Variants in BORCS8 observed in about 807,000 individuals in gnomAD.
BORCS8 encodes BLOC-1-related complex subunit 8.
Under a neutral mutation model 18.7 loss-of-function variants are expected in BORCS8, and 13 were observed. The observed-to-expected ratio is 0.70, with a 90% CI of 0.45 to 1.11. BORCS8 has a LOEUF of 1.11. Ranked by LOEUF, BORCS8 falls within the 50% of genes least tolerant of loss-of-function variation. The pLI is 0.00. For missense variants in BORCS8, 165 were observed against 165.7 expected, an observed-to-expected ratio of 1.00 and a Z score of 0.02; for synonymous variants, 68 against 64.8, an observed-to-expected ratio of 1.05 and a Z score of -0.24.
chr19:19,177,929 G>A (rs3819575), intron 5 of BORCS8: 50,891 of 152,286 alleles, frequency 0.33, 8,955 homozygotes, highest in Non-Finnish European at 0.38. Context: ...TGTCGCGCAG[G>A]CTGGAGTGCA....
At chr19:19,184,482 T>G (rs1165779976) in intron 3 of BORCS8, among the ~76,000 whole-genome samples, 2 of 151,932 alleles carry the variant, frequency 1.3e-5, no homozygotes, top group Non-Finnish European at 2.9e-5. Context: ...TTTTGTATTT[T>G]TAGTAAAGAC....
At chr19:19,184,329 G>A (rs1405589426) in intron 3 of BORCS8, among the ~76,000 whole-genome samples, 65 of 130,770 alleles carry the variant, frequency 5.0e-4, no homozygotes, top group African/African-American at 1.6e-3. Context: ...TTTTTGAGAC[G>A]GAGTCTCGCT....
Position 19,182,664 on chromosome 19 carries a change from C to A in BORCS8, c.235G>T (p.Asp79Tyr). 2 of 1,551,016 alleles carry A rather than the reference C, an allele frequency of 1.3e-6. No individual in the cohort carries two copies. Among genetic ancestry groups the A allele is most frequent in the Non-Finnish European group, 1.7e-6 (2 of 1,146,856 alleles). Residue 79 changes from aspartate to tyrosine, a missense_variant, in exon 4 of 6, where the codon GAC becomes TAC. Transcript: ENST00000462790. The surrounding 1 kb of genome is among the most constrained non-coding windows in gnomAD (Gnocchi z 4.1). Reference protein sequence around the residue: ...YACSAVKNLVDSSVYFRSVEG... With the variant: ...YACSAVKNLVYSSVYFRSVEG... ...ACGCTGCGGAAGTAGACGCTGCTGT[C>A]CACCAGGTTCTTCACGGCGCTGAAA...
chr19:19,182,347 C>T lies in BORCS8; in HGVS notation c.326+226G>A. 1 of 1,203,166 alleles carries T rather than the reference C, an allele frequency of 8.3e-7. No individual in the cohort carries two copies. The highest frequency in any genetic ancestry group is 1.1e-6 in the Non-Finnish European group (1 of 920,956). The allele number at this position is 1,203,166 out of a possible 1,614,324, so 74.5% of individuals were successfully genotyped here. On this transcript the variant is annotated intron_variant, in intron 4 of 5. Coordinates refer to ENST00000462790, the MANE Select transcript of BORCS8 (RefSeq NM_001145784.2). The surrounding 1 kb of genome is among the most constrained non-coding windows in gnomAD (Gnocchi z 4.1). Reference sequence around the variant, plus strand: ...TGTCTGTCTCGGTCACTGCTATGTCCCCAGTGCCCAGCCCAGGGCCAGGCA... The same window carrying T: ...TGTCTGTCTCGGTCACTGCTATGTCTCCAGTGCCCAGCCCAGGGCCAGGCA...
At chr19:19,181,392 C>T (rs565417693) in intron 4 of BORCS8, among the ~76,000 whole-genome samples, 3 of 152,260 alleles carry the variant, frequency 2.0e-5, no homozygotes, top group African/African-American at 7.2e-5. Context: ...CCAGAGGCCA[C>T]GTCTGCAACT....
Position 19,185,921 on chromosome 19 carries a change from G to A in BORCS8, c.215+113C>T, listed in dbSNP as rs572526242. The A allele has an allele frequency of 2.8e-5, 30 of 1,081,334 alleles. 1 individual carries two copies. Among genetic ancestry groups the A allele is most frequent in the East Asian group, 1.8e-4 (7 of 38,768 alleles). 67.0% of individuals were successfully genotyped at this position (1,081,334 alleles called of 1,614,324 possible). A position where few individuals can be genotyped will look rare whatever the true frequency, so the allele number is the denominator to read the frequency against. ...TGGTACAGACCCCATACACCCACTC[G>A]GGTAGGCCTGGCAGGGTGGGGCTTA... On this transcript the variant is annotated intron_variant, in intron 3 of 5. Transcript: ENST00000462790.
At chr19:19,191,178 C>A (rs1398266316) in intron 1 of BORCS8, among the ~76,000 whole-genome samples, 1 of 152,038 alleles carries the variant, frequency 6.6e-6, no homozygotes, top group Admixed American at 6.6e-5. Context: ...CAAGGTGAAA[C>A]CCCGTCTCTA....
intron 2 of BORCS8, among the ~76,000 whole-genome samples, chr19:19,186,382 A>C (rs1237937529): frequency 6.6e-6 from 1 of 152,174 alleles, no homozygotes; most frequent in Non-Finnish European, 1.5e-5. Context: ...AGAATAGTAT[A>C]GTTTGACTGT....
intron 1 of BORCS8, among the ~76,000 whole-genome samples, chr19:19,191,458 C>G (rs1277519045): frequency 6.6e-6 from 1 of 150,960 alleles, no homozygotes; most frequent in East Asian, 1.9e-4. Context: ...CGCCACCGCA[C>G]CCCAGCCTGG....
At chr19:19,186,333 A>C (rs527938990) in intron 2 of BORCS8, among the ~76,000 whole-genome samples, 1 of 152,322 alleles carries the variant, frequency 6.6e-6, no homozygotes, top group African/African-American at 2.4e-5. Flanking sequence ...TTAGATAGTC[A>C]GACGGCTGCC....
intron 5 of BORCS8, chr19:19,177,696 G>GGAAGGAAAGAAAAGAAAAGAAAAGAAA (rs1376064847): frequency 2.7e-5 from 2 of 74,650 alleles, no homozygotes; most frequent in Admixed American, 1.7e-4. Context: ...AAGGAAGGAA[G>GGAAGGAAAGAAAAGAAAAGAAAAGAAA]AGAAAAGAAA....
intron 1 of BORCS8, among the ~76,000 whole-genome samples, chr19:19,188,901 C>A (rs968939681): frequency 6.6e-6 from 1 of 151,876 alleles, no homozygotes; most frequent in Non-Finnish European, 1.5e-5. Flanking sequence ...GTAGTGTAAT[C>A]TCGGCTCACT....
chr19:19,183,857 A>G (rs1307888191), intron 3 of BORCS8, among the ~76,000 whole-genome samples: 2 of 151,234 alleles, frequency 1.3e-5, no homozygotes, highest in African/African-American at 4.9e-5. Flanking sequence ...GGCGTGAGCC[A>G]CTGCGCTCAG....
chr19:19,178,508 G>A (rs949021396), intron 5 of BORCS8: 2 of 152,538 alleles, frequency 1.3e-5, no homozygotes, highest in African/African-American at 4.8e-5. Flanking sequence ...CGTGGGCGAT[G>A]ACCCTGAGCT....
intron 5 of BORCS8, chr19:19,180,073 T>C (rs1467218137): frequency 1.3e-5 from 2 of 155,264 alleles, no homozygotes; most frequent in African/African-American, 4.8e-5. Context: ...TGCAGAATCA[T>C]GAGTAGGTTA....
intron 1 of BORCS8, among the ~76,000 whole-genome samples, chr19:19,189,658 G>T (rs546926400): frequency 2.6e-5 from 4 of 152,252 alleles, no homozygotes; most frequent in African/African-American, 7.2e-5. Flanking sequence ...GGGTGCGGTG[G>T]CTCACGCCTG....
At chr19:19,184,807 C>T (rs1423444666) in intron 3 of BORCS8, among the ~76,000 whole-genome samples, 1 of 151,974 alleles carries the variant, frequency 6.6e-6, no homozygotes, top group Non-Finnish European at 1.5e-5. Flanking sequence ...ACCAGGTTGC[C>T]CAGACTGGTC....
chr19:19,181,184 G>A (rs1227580653), intron 4 of BORCS8, among the ~76,000 whole-genome samples: 1 of 149,036 alleles, frequency 6.7e-6, no homozygotes, highest in African/African-American at 2.5e-5. Flanking sequence ...GACAAAGTGA[G>A]GCTCTGTCTT....
intron 5 of BORCS8, chr19:19,178,865 C>A (rs116965885): frequency 6.6e-6 from 1 of 151,306 alleles, no homozygotes; most frequent in Non-Finnish European, 1.5e-5. Flanking sequence ...GAGGCTGAAG[C>A]GGGATAATCG....
Sources: allele counts gnomAD v4.1 joint callset (sites outside exome capture counted in the v4.1 genomes callset), GRCh38; gene constraint gnomAD v4.1.1; non-coding constraint Gnocchi (gnomAD v3.1); transcripts MANE v1.5; gene names NCBI Gene and HGNC (gene_info 2026-07-23, HGNC 2026-07-21).